Variants in ALG12 observed in about 807,000 individuals in gnomAD.
ALG12 encodes the protein dol-P-Man:Man(7)GlcNAc(2)-PP-Dol alpha-1,6-mannosyltransferase.
In ALG12, 36 loss-of-function variants were observed where a neutral mutation model predicts 46.0. The ratio of observed to expected loss-of-function variants is 0.78; its 90% CI spans 0.60 to 1.03. The LOEUF (loss-of-function observed/expected upper bound fraction) is 1.03. Among genes scored for constraint, ALG12 ranks in the 50% least tolerant of loss-of-function variants. The pLI is 0.00. For synonymous variants in ALG12, 326 were observed against 291.6 expected (o/e 1.12, Z -1.20); for missense variants, 599 against 633.5 (o/e 0.95, Z 0.58).
chr22:49,879,686 T>C, the ALG12 span, among the ~76,000 whole-genome samples: 1 of 67,670 alleles, frequency 1.5e-5, no homozygotes, highest in Non-Finnish European at 3.3e-5. Flanking sequence ...TCTGGGCGTG[T>C]TTCTATTGGT....
chr22:49,870,669 G>A, the ALG12 span, among the ~76,000 whole-genome samples: 6 of 151,826 alleles, frequency 4.0e-5, no homozygotes, highest in Admixed American at 2.0e-4. Context: ...TTTTAATGGG[G>A]TTATTTTATT....
chr22:49,869,085 T>C, the ALG12 span, among the ~76,000 whole-genome samples: 4 of 148,986 alleles, frequency 2.7e-5, no homozygotes, highest in East Asian at 2.0e-4. Flanking sequence ...ATCATGCCAT[T>C]GCACTTCAGC....
At chr22:49,907,589 C>G (rs2060549587) in intron 7 of ALG12, 132 bp downstream of exon 7, 2 of 1,043,112 alleles carry the variant, frequency 1.9e-6, no homozygotes, top group African/African-American at 1.6e-5. Flanking sequence ...GCAGTAAGCC[C>G]CACTCCAGCT....
chr22:49,887,327 C>G, the ALG12 span: 1 of 789,156 alleles, frequency 1.3e-6, no homozygotes, highest in Non-Finnish European at 2.0e-6. Context: ...AGTGTCTCCA[C>G]GTGCCTTACC....
At chr22:49,909,052 G>C (rs1301243926) in intron 6 of ALG12, among the ~76,000 whole-genome samples, 192 bp downstream of exon 6, 1 of 152,080 alleles carries the variant, frequency 6.6e-6, no homozygotes, top group Admixed American at 6.5e-5. Context: ...TCCTGGCTGA[G>C]AGAGGGCAGC....
the ALG12 span, among the ~76,000 whole-genome samples, chr22:49,865,512 AC>A: frequency 6.6e-6 from 1 of 151,558 alleles, no homozygotes; most frequent in Non-Finnish European, 1.5e-5. Context: ...AAAAATAATA[AC>A]CCGTCTCTAT....
At chr22:49,866,242 G>T in the ALG12 span, among the ~76,000 whole-genome samples, 8 of 152,124 alleles carry the variant, frequency 5.3e-5, no homozygotes, top group African/African-American at 1.4e-4. Context: ...ATTCAGGAAA[G>T]GTTTTTAAGT....
At chr22:49,913,260 G>T in intron 3 of ALG12, 125 bp downstream of exon 3, 1 of 1,467,658 alleles carries the variant, frequency 6.8e-7, no homozygotes, top group Non-Finnish European at 9.4e-7. Flanking sequence ...GCCATGCCAC[G>T]GTGATCGAGG....
At chr22:49,865,734 C>G in the ALG12 span, among the ~76,000 whole-genome samples, 1 of 152,070 alleles carries the variant, frequency 6.6e-6, no homozygotes, top group African/African-American at 2.4e-5. Flanking sequence ...GTTTGCTCTC[C>G]GGTAGATCTC....
At chr22:49,864,936 A>ACCCCC in the ALG12 span, among the ~76,000 whole-genome samples, 2 of 14,206 alleles carry the variant, frequency 1.4e-4, no homozygotes, top group Non-Finnish European at 2.2e-4. Context: ...TATCCCAGCA[A>ACCCCC]GCCCCCCCCC....
At chr22:49,861,233 C>G in the ALG12 span, among the ~76,000 whole-genome samples, 1 of 151,904 alleles carries the variant, frequency 6.6e-6, no homozygotes, top group Admixed American at 6.6e-5. Context: ...GAGTCTCGCT[C>G]TGGATTCAAG....
Position 49,903,441 on chromosome 22 carries a change from G to A in ALG12, c.*397C>T. On this transcript the variant is annotated 3_prime_UTR_variant, in exon 10 of 10. Transcript: ENST00000330817. The stretch of plus-strand genomic sequence containing the variant: ...AAGAGGCCCTCGGGCAGCAAGCGTG[G>A]GGTGCTGCCAAAATACAGCTCCCCC... 2.1e-6 allele frequency: 1 copy of A among 466,792 alleles called. No homozygotes were observed. Among genetic ancestry groups the A allele is most frequent in the Non-Finnish European group, 4.3e-6 (1 of 234,142 alleles). The allele number at this position is 466,792 out of a possible 1,614,324, so 28.9% of individuals were successfully genotyped here. A position where few individuals can be genotyped will look rare whatever the true frequency, so the allele number is the denominator to read the frequency against.
In ALG12 at chr22:49,910,696, T is replaced by A. The variant is rs540399998; in HGVS notation, c.296-89A>T. 2.2e-5 allele frequency: 32 copies of A among 1,469,038 alleles called. No homozygotes were observed. The South Asian group carries it at 3.4e-4, about 16-fold the overall frequency. 91.0% of individuals were successfully genotyped at this position (1,469,038 alleles called of 1,614,324 possible). A position where few individuals can be genotyped will look rare whatever the true frequency, so the allele number is the denominator to read the frequency against. ...GTGGGTCCTTCTACACAGATCTTTC[T>A]ATATGGAGTTTTCTATGCTGCTGCA... On this transcript the variant is annotated intron_variant, in intron 3 of 9. Transcript: ENST00000330817.
rs376700607 is a variant in ALG12, at chr22:49,904,416, C to G, written c.1083G>C (p.Thr361=). 2.5e-6 allele frequency: 4 copies of G among 1,613,962 alleles called. No homozygotes were observed. The African/African-American group carries it at 4.0e-5, about 16-fold the overall frequency. Residue 361 remains threonine (T), a synonymous_variant, in exon 8 of 10, where the codon ACG becomes ACC. Coordinates refer to ENST00000330817, the MANE Select transcript of ALG12 (RefSeq NM_024105.4). The stretch of plus-strand genomic sequence containing the variant: ...AGTTGAAATGGGACACATACAGGGC[C>G]GTGGCTGAGTAGGCGGCATTCACCA... ...HLVVNAAYSA[T]ALYVSHFNYP... is the part of the protein sequence containing the mutation.
chr22:49,875,944 C>T, the ALG12 span, among the ~76,000 whole-genome samples: 4 of 146,704 alleles, frequency 2.7e-5, no homozygotes, highest in South Asian at 2.1e-4. Flanking sequence ...GATTTTTTTT[C>T]TTTTTTTTTT....
chr22:49,872,819 C>T, the ALG12 span, among the ~76,000 whole-genome samples: 1 of 151,978 alleles, frequency 6.6e-6, no homozygotes, highest in Non-Finnish European at 1.5e-5. Context: ...AATTCTCCTG[C>T]CTCAGCCTCC....
chr22:49,913,406 T>G lies in ALG12; in HGVS notation c.274A>C (p.Lys92Gln). ...TTACCTATTAGCTGAGAGTAAAACT[T>G]GGACATTTCTAACAGCGAAAGCACG... ...VYVLSLLEMS[K>Q]FYSQLIVRGV... Residue 92 changes from lysine to glutamine, a missense_variant, in exon 3 of 10, where the codon AAG (lysine) becomes CAG (glutamine). By Grantham distance (53) the Lys-to-Gln change is moderately conservative (BLOSUM62 1). Transcript: ENST00000330817. 6.2e-7 allele frequency: 1 copy of G among 1,613,966 alleles called. No homozygotes were observed. Among genetic ancestry groups the G allele is most frequent in the Non-Finnish European group, 8.5e-7 (1 of 1,180,044 alleles).
the ALG12 span, among the ~76,000 whole-genome samples, chr22:49,865,629 C>G: frequency 1.3e-5 from 2 of 152,052 alleles, no homozygotes; most frequent in Admixed American, 6.5e-5. Flanking sequence ...GAGCAGAGAT[C>G]ACACCACTGC....
downstream of ALG12, among the ~76,000 whole-genome samples, chr22:49,898,268 A>G (rs2060491546): frequency 6.6e-6 from 1 of 152,004 alleles, no homozygotes; most frequent in Non-Finnish European, 1.5e-5. Flanking sequence ...TCAGCCTCCC[A>G]AAGTACTGGG....
Sources: allele counts gnomAD v4.1 joint callset (sites outside exome capture counted in the v4.1 genomes callset), GRCh38; gene constraint gnomAD v4.1.1; transcripts MANE v1.5; gene names NCBI Gene and HGNC (gene_info 2026-07-23, HGNC 2026-07-21).